Variants in ADGRL3 observed in about 807,000 individuals in gnomAD.
ADGRL3 encodes calcium-independent alpha-latrotoxin receptor 3.
ADGRL3 carries 62 observed loss-of-function variants against 153.5 expected under a neutral mutation model. That is an observed-to-expected ratio of 0.40 (90% CI 0.33 to 0.50). The LOEUF is 0.50. Among genes scored for constraint, ADGRL3 ranks in the 20% least tolerant of loss-of-function variants. The pLI, the probability that ADGRL3 is intolerant of heterozygous loss-of-function variation, is 0.47. For missense variants in ADGRL3, 1,641 were observed against 1,859.4 expected, an observed-to-expected ratio of 0.88 and a Z score of 2.16; for synonymous variants, 710 against 672.5, an observed-to-expected ratio of 1.06 and a Z score of -0.86.
At chr4:62,005,255 G>A (rs1017126914) in intron 21 of ADGRL3, among the ~76,000 whole-genome samples, 3 of 152,042 alleles carry the variant, frequency 2.0e-5, no homozygotes, top group African/African-American at 4.8e-5. Context: ...AAATGTAAAA[G>A]GGCTGCTCTC....
chr4:61,721,410 G>C (rs540333844), intron 6 of ADGRL3, among the ~76,000 whole-genome samples: 1 of 152,222 alleles, frequency 6.6e-6, no homozygotes, highest in African/African-American at 2.4e-5. Context: ...GATGTGTGAG[G>C]GCAGGAAGCA....
In ADGRL3 at chr4:61,996,378, A is replaced by G. The variant is rs771995926; in HGVS notation, c.3303+21A>G. 3.9e-6 allele frequency: 6 copies of G among 1,537,258 alleles called. No individual in the cohort carries two copies. The African/African-American group carries it at 4.1e-5, about 10-fold the overall frequency. On this transcript the variant is annotated intron_variant, in intron 20 of 26. Transcript: ENST00000683033. The stretch of plus-strand genomic sequence containing the variant: ...TTATGGTAAGAATTCCTAATTAACT[A>G]TGTGTTTCCCAGATCAAGAAGTAAA...
chr4:61,912,273 A>G (rs543234798), intron 12 of ADGRL3, among the ~76,000 whole-genome samples: 2 of 152,274 alleles, frequency 1.3e-5, no homozygotes, highest in African/African-American at 4.8e-5. Context: ...TGTGGTGTAC[A>G]TTAACCGTTT....
chr4:61,841,652 G>T (rs2098034261), intron 9 of ADGRL3, among the ~76,000 whole-genome samples: 1 of 152,134 alleles, frequency 6.6e-6, no homozygotes, highest in South Asian at 2.1e-4. Flanking sequence ...ACCCATGAGA[G>T]AATTTCAAAA....
At chr4:61,754,678 TTACATATG>T (rs1283058250) in intron 8 of ADGRL3, among the ~76,000 whole-genome samples, 1 of 152,102 alleles carries the variant, frequency 6.6e-6, no homozygotes, top group Non-Finnish European at 1.5e-5. Context: ...TGCAGGTTAG[TTACATATG>T]TATACATGTG....
chr4:61,857,243 C>A (rs1014187075), intron 9 of ADGRL3, among the ~76,000 whole-genome samples: 2 of 151,890 alleles, frequency 1.3e-5, no homozygotes, highest in Non-Finnish European at 2.9e-5. Flanking sequence ...CTGCTAATTT[C>A]TTAATCATGC....
chr4:61,587,589 C>G, intron 5 of ADGRL3, 149 bp downstream of exon 5: 2 of 605,354 alleles, frequency 3.3e-6, no homozygotes, highest in South Asian at 4.4e-5. Flanking sequence ...TTCCTTGTAT[C>G]ACCAAAATGC....
rs148365456 is a variant in ADGRL3 at position 61,764,289 on chromosome 4, T to G, written c.1399+30735T>G. On this transcript the variant is annotated intron_variant, in intron 8 of 26. Transcript: ENST00000683033. ...CAACATGGCTGTTTATTTCACCTGG[T>G]TGCAGGCGGGCTGAGTTCGAAAAGA... is the stretch of plus-strand genomic sequence containing the variant. Among the ~76,000 whole-genome samples, 1,428 of 152,204 alleles carry G rather than the reference T, an allele frequency of 9.4e-3. 29 individuals are homozygous for G. The highest frequency in any genetic ancestry group is 0.033 in the African/African-American group (1,352 of 41,506).
At chr4:61,938,635 T>C (rs1316726324) in intron 15 of ADGRL3, among the ~76,000 whole-genome samples, 2 of 152,092 alleles carry the variant, frequency 1.3e-5, no homozygotes, top group African/African-American at 2.4e-5. Flanking sequence ...GTGCTGCCGC[T>C]GCTGCTGCTG....
At chr4:62,024,529 A>G (rs546106500) in intron 21 of ADGRL3, among the ~76,000 whole-genome samples, 1 of 152,242 alleles carries the variant, frequency 6.6e-6, no homozygotes, top group South Asian at 2.1e-4. Context: ...TTACATGTAT[A>G]TTATGTGACT....
intron 5 of ADGRL3, among the ~76,000 whole-genome samples, chr4:61,602,079 A>G (rs1262928969): frequency 9.6e-6 from 1 of 103,876 alleles, no homozygotes; most frequent in Non-Finnish European, 2.4e-5. Flanking sequence ...AACGGTTAAT[A>G]AATAAACGCT....
At chr4:61,676,978 T>C (rs748360580) in intron 6 of ADGRL3, 43 bp downstream of exon 6, 1 of 1,260,856 alleles carries the variant, frequency 7.9e-7, no homozygotes, top group Non-Finnish European at 1.2e-6. Flanking sequence ...GAAAAGATAC[T>C]AAACTGTGTT....
In ADGRL3 at chr4:61,593,398, C is replaced by T. The variant is rs944675735; in HGVS notation, c.473+5958C>T. Reference sequence around the variant, plus strand: ...TCTTCTTTTCTTGTTTTGTTTTTTTCCTTCAGGTGATTTCTTATTGCTCAT... The same window carrying T: ...TCTTCTTTTCTTGTTTTGTTTTTTTTCTTCAGGTGATTTCTTATTGCTCAT... On this transcript the variant is annotated intron_variant, in intron 5 of 26. Coordinates refer to ENST00000683033, the MANE Select transcript of ADGRL3 (RefSeq NM_001387552.1). Among the ~76,000 whole-genome samples, 3 of 151,286 alleles carry T rather than the reference C, an allele frequency of 2.0e-5. No individual in the cohort carries two copies. In the East Asian group the frequency reaches 5.8e-4, roughly 29 times the overall value.
At chr4:61,350,645 C>A (rs914808219) in intron 1 of ADGRL3, among the ~76,000 whole-genome samples, 2 of 152,066 alleles carry the variant, frequency 1.3e-5, no homozygotes, top group African/African-American at 4.8e-5. Flanking sequence ...GTAATTACTA[C>A]AATATTTCAA....
rs771556039 is a variant in ADGRL3, at chr4:61,689,319, C to A, written c.583+12384C>A. ...CTCCAGGTGGTCTTTGGGCCATGTT[C>A]TTTTATTCCATTCAACAAATATTGG... On this transcript the variant is annotated intron_variant, in intron 6 of 26. Transcript: ENST00000683033. 9.9e-4 allele frequency among the ~76,000 whole-genome samples: 151 copies of A among 152,082 alleles called. 3 individuals are homozygous for A. The highest frequency in any genetic ancestry group is 3.7e-4 in the Non-Finnish European group (25 of 68,006).
At chr4:61,322,141 A>G (rs1464940976) in intron 1 of ADGRL3, among the ~76,000 whole-genome samples, 1 of 152,146 alleles carries the variant, frequency 6.6e-6, no homozygotes, top group Non-Finnish European at 1.5e-5. Flanking sequence ...GCAAAGAGAG[A>G]GCTTGTGCAG....
chr4:61,549,380 ATCTTTG>A (rs1238318095), intron 4 of ADGRL3, among the ~76,000 whole-genome samples: 1 of 152,048 alleles, frequency 6.6e-6, no homozygotes, highest in East Asian at 1.9e-4. Context: ...GAGAGAGGGC[ATCTTTG>A]TCTTGTTCAG....
intron 6 of ADGRL3, among the ~76,000 whole-genome samples, chr4:61,696,896 C>T (rs953474201): frequency 1.3e-5 from 2 of 151,880 alleles, no homozygotes; most frequent in African/African-American, 2.4e-5. Context: ...AGGCTGGTCT[C>T]GAACTCCTGA....
At chr4:61,877,530 C>T (rs1368255822) in intron 9 of ADGRL3, among the ~76,000 whole-genome samples, 2 of 152,144 alleles carry the variant, frequency 1.3e-5, no homozygotes, top group East Asian at 3.9e-4. Flanking sequence ...CACACATGCA[C>T]ACATGAATGG....
Sources: allele counts gnomAD v4.1 joint callset (sites outside exome capture counted in the v4.1 genomes callset), GRCh38; gene constraint gnomAD v4.1.1; transcripts MANE v1.5; gene names NCBI Gene and HGNC (gene_info 2026-07-23, HGNC 2026-07-21).